The following APOLD1 variants were observed in gnomAD, a reference collection of about 807,000 sequenced individuals.
The protein encoded by APOLD1 is apolipoprotein L domain-containing protein 1.
APOLD1 carries 22 observed loss-of-function variants against 15.3 expected under a neutral mutation model. The ratio of observed to expected loss-of-function variants is 1.44; its 90% CI spans 1.03 to 2.05. The LOEUF (loss-of-function observed/expected upper bound fraction) is 2.05, where lower values mean the gene tolerates loss of function less well. Ranked by LOEUF, APOLD1 falls within the 30% of genes most tolerant of loss-of-function variation. The pLI, the probability that APOLD1 is intolerant of heterozygous loss-of-function variation, is 0.00. For missense variants in APOLD1, 394 were observed against 353.5 expected, an observed-to-expected ratio of 1.11 and a Z score of -0.92; for synonymous variants, 190 against 167.4, an observed-to-expected ratio of 1.13 and a Z score of -1.04.
chr12:12,762,012 G>T (rs1946905202), intron 1 of APOLD1, among the ~76,000 whole-genome samples: 4 of 151,820 alleles, frequency 2.6e-5, no homozygotes, highest in Admixed American at 6.6e-5. Flanking sequence ...CTAATTTTTT[G>T]AATTTCTTTT....
intron 1 of APOLD1, among the ~76,000 whole-genome samples, chr12:12,764,437 T>C (rs902386769): frequency 1.3e-5 from 2 of 152,224 alleles, no homozygotes; most frequent in South Asian, 2.1e-4. Context: ...TATGCTATTT[T>C]TGTAAAAGAA....
upstream of APOLD1, among the ~76,000 whole-genome samples, chr12:12,782,975 G>A (rs573402388): frequency 6.6e-6 from 1 of 152,258 alleles, no homozygotes; most frequent in African/African-American, 2.4e-5. Flanking sequence ...GGAGGCTGGG[G>A]CAGGTGGATC....
chr12:12,744,893 C>A (rs1946754185), intron 1 of APOLD1, among the ~76,000 whole-genome samples: 2 of 152,110 alleles, frequency 1.3e-5, no homozygotes, highest in South Asian at 4.1e-4. Context: ...GAACAAGATC[C>A]CTGTGCCACG....
At chr12:12,769,124 A>T (rs993792612) in intron 1 of APOLD1, among the ~76,000 whole-genome samples, 1 of 149,016 alleles carries the variant, frequency 6.7e-6, no homozygotes, top group African/African-American at 2.5e-5. Flanking sequence ...GTTACTTGGG[A>T]GGCTGAGGTG....
Position 12,746,707 on chromosome 12 carries a change from T to C in APOLD1, c.96+20611T>C, listed in dbSNP as rs908868375. ...TGTACATGGGTATATTGCATGATGC[T>C]GAGGCTTGGGTTTCTGGATGATCCT... On this transcript the variant is annotated intron_variant, in intron 1 of 1. Transcript: ENST00000326765. Among the ~76,000 whole-genome samples the C allele has an allele frequency of 3.9e-5, 6 of 152,144 alleles. No homozygotes were observed. In the East Asian group the frequency reaches 1.2e-3, roughly 29 times the overall value.
intron 1 of APOLD1, among the ~76,000 whole-genome samples, chr12:12,734,292 G>T (rs765952649): frequency 6.6e-6 from 1 of 152,164 alleles, no homozygotes; most frequent in Admixed American, 6.5e-5. Flanking sequence ...CAGGGAATCC[G>T]CCTGGGAATT....
At chr12:12,759,273 A>G (rs1946880512) in intron 1 of APOLD1, among the ~76,000 whole-genome samples, 1 of 152,230 alleles carries the variant, frequency 6.6e-6, no homozygotes, top group African/African-American at 2.4e-5. Flanking sequence ...TTAAACCATT[A>G]TGAACACATG....
chr12:12,780,837 C>T (rs893796771), upstream of APOLD1, among the ~76,000 whole-genome samples: 2 of 149,664 alleles, frequency 1.3e-5, no homozygotes, highest in Non-Finnish European at 3.0e-5. Context: ...GATTCTTCCA[C>T]CTCAGCCTCC....
intron 1 of APOLD1, among the ~76,000 whole-genome samples, chr12:12,757,056 G>C (rs1363455624): frequency 6.6e-6 from 1 of 152,192 alleles, no homozygotes; most frequent in Non-Finnish European, 1.5e-5. Flanking sequence ...CAAAGTGCTA[G>C]GATTACAGGT....
intron 1 of APOLD1, among the ~76,000 whole-genome samples, chr12:12,736,668 G>A (rs1946689256): frequency 6.6e-6 from 1 of 152,214 alleles, no homozygotes; most frequent in South Asian, 2.1e-4. Context: ...GGGAAAGAAA[G>A]TTCAAGCTTT....
intron 1 of APOLD1, among the ~76,000 whole-genome samples, chr12:12,768,129 G>T (rs985149658): frequency 6.6e-6 from 1 of 151,888 alleles, no homozygotes; most frequent in Non-Finnish European, 1.5e-5. Context: ...TGTGGATTTT[G>T]GTATCTGTGG....
At chr12:12,733,528 C>G (rs1238302919) in intron 1 of APOLD1, among the ~76,000 whole-genome samples, 1 of 152,194 alleles carries the variant, frequency 6.6e-6, no homozygotes, top group Middle Eastern at 3.2e-3. Flanking sequence ...AAGAGACTTT[C>G]CCTTAAACAT....
rs559563377 is a variant in APOLD1 at position 12,786,969 on chromosome 12, G to T, written c.64G>T (p.Gly22Ter). Reference sequence around the variant, plus strand: ...GCCCGACGCGCTGCGGCGCTTCCAGGGACTGCTGCTGGACCGCCGAGGCCG... The same window carrying T: ...GCCCGACGCGCTGCGGCGCTTCCAGTGACTGCTGCTGGACCGCCGAGGCCG... Reference protein sequence around the residue: ...HGPDALRRFQGLLLDRRGRLH... With the variant: ...HGPDALRRFQ Residue 22 changes from glycine (G) to a stop codon, truncating the protein, a stop_gained, in exon 2 of 2, where the codon GGA becomes TGA. Transcript: ENST00000356591. LOFTEE classifies it high-confidence loss of function. The T allele has an allele frequency of 6.9e-7, 1 of 1,458,446 alleles. No individual in the cohort carries two copies. Among genetic ancestry groups the T allele is most frequent in the Non-Finnish European group, 9.0e-7 (1 of 1,114,966 alleles). 90.3% of individuals were successfully genotyped at this position (1,458,446 alleles called of 1,614,324 possible). A position where few individuals can be genotyped will look rare whatever the true frequency, so the allele number is the denominator to read the frequency against.
intron 1 of APOLD1, among the ~76,000 whole-genome samples, chr12:12,770,888 GAAGAA>G (rs1215337085): frequency 1.3e-5 from 2 of 151,552 alleles, no homozygotes; most frequent in African/African-American, 4.8e-5. Flanking sequence ...ATCTTATAGA[GAAGAA>G]AAGAATTACA....
intron 1 of APOLD1, among the ~76,000 whole-genome samples, chr12:12,775,615 C>G (rs1421120256): frequency 6.6e-6 from 1 of 152,148 alleles, no homozygotes; most frequent in Non-Finnish European, 1.5e-5. Context: ...TCTAACAAAG[C>G]AAGTTTGGAG....
chr12:12,726,156 CAAAAAAAAAAAA>C (rs745785485), intron 1 of APOLD1: 22 of 113,660 alleles, frequency 1.9e-4, no homozygotes, highest in Admixed American at 1.1e-3. Context: ...TCTTCGCAAC[CAAAAAAAAAAAA>C]AAAAAAAAAA....
upstream of APOLD1, among the ~76,000 whole-genome samples, chr12:12,781,829 C>CT (rs903146542): frequency 3.3e-5 from 5 of 151,802 alleles, no homozygotes; most frequent in Non-Finnish European, 7.4e-5. Flanking sequence ...GCCCGGCATA[C>CT]TTTATCTTTA....
intron 1 of APOLD1, among the ~76,000 whole-genome samples, chr12:12,767,345 C>T (rs11055055): frequency 2.0e-5 from 3 of 151,844 alleles, no homozygotes; most frequent in South Asian, 2.1e-4. Context: ...TAAAAACAAC[C>T]GTACAATAAT....
chr12:12,728,711 GAA>G (rs1946614449), intron 1 of APOLD1, among the ~76,000 whole-genome samples: 2 of 120,364 alleles, frequency 1.7e-5, no homozygotes, highest in African/African-American at 6.7e-5. Context: ...AGAAAAGAAA[GAA>G]AGAGAAAGAT....
Sources: gnomAD v4.1 joint callset for allele counts (sites outside exome capture counted in the v4.1 genomes callset) on GRCh38, gnomAD v4.1.1 for gene constraint, MANE v1.5 for transcripts, NCBI Gene and HGNC (gene_info 2026-07-23, HGNC 2026-07-21) for gene names.